Variants in WDFY2 observed in about 807,000 individuals in gnomAD.
The protein encoded by WDFY2 is WD repeat and FYVE domain-containing protein 2.
Under a neutral mutation model 56.4 loss-of-function variants are expected in WDFY2, and 36 were observed. The observed-to-expected ratio is 0.64, with a 90% confidence interval of 0.49 to 0.84. The LOEUF (loss-of-function observed/expected upper bound fraction) is 0.84, where lower values mean the gene tolerates loss of function less well. Among genes scored for constraint, WDFY2 ranks in the 40% least tolerant of loss-of-function variants. The pLI is 0.00. For missense variants in WDFY2, 444 were observed against 512.2 expected (o/e 0.87, Z 1.29); for synonymous variants, 176 against 183.7 (o/e 0.96, Z 0.34).
At chr13:51,741,741 T>C (rs532293866) in intron 7 of WDFY2, among the ~76,000 whole-genome samples, 1 of 152,288 alleles carries the variant, frequency 6.6e-6, no homozygotes, top group African/African-American at 2.4e-5. Flanking sequence ...AGCTCAGATA[T>C]CATTTTTAGA....
intron 5 of WDFY2, among the ~76,000 whole-genome samples, chr13:51,721,432 A>G (rs1271825284): frequency 6.6e-6 from 1 of 152,204 alleles, no homozygotes; most frequent in Non-Finnish European, 1.5e-5. Flanking sequence ...CTATTTGAAA[A>G]TAAAAAACAA....
chr13:51,745,141 A>T (rs1334862097), intron 7 of WDFY2, among the ~76,000 whole-genome samples: 1 of 152,232 alleles, frequency 6.6e-6, no homozygotes, highest in Non-Finnish European at 1.5e-5. Flanking sequence ...AATGAAATGT[A>T]GTTCAAATCA....
intron 8 of WDFY2, among the ~76,000 whole-genome samples, chr13:51,754,083 G>C (rs1408804721): frequency 7.1e-5 from 10 of 141,200 alleles, no homozygotes; most frequent in Non-Finnish European, 1.2e-4. Context: ...ACACAGCAAG[G>C]CTGTCTCAAA....
intron 1 of WDFY2, chr13:51,587,047 A>G (rs1953954203): frequency 6.6e-6 from 1 of 152,230 alleles, no homozygotes; most frequent in Admixed American, 6.5e-5. Context: ...CACAACCTAC[A>G]AAGCCATTAC....
chr13:51,756,272 GC>G, intron 9 of WDFY2, 59 bp from the exon 10 acceptor site: 2 of 1,561,768 alleles, frequency 1.3e-6, no homozygotes, highest in Non-Finnish European at 8.7e-7. Flanking sequence ...GGGGTGAGAT[GC>G]GGGGGCCTCA....
chr13:51,731,386 G>T (rs1952720370), intron 6 of WDFY2, among the ~76,000 whole-genome samples: 1 of 152,186 alleles, frequency 6.6e-6, no homozygotes, highest in African/African-American at 2.4e-5. Flanking sequence ...TACGAAATAT[G>T]ACCTTGGCAT....
intron 4 of WDFY2, among the ~76,000 whole-genome samples, chr13:51,713,622 C>T (rs534378215): frequency 7.9e-5 from 12 of 152,206 alleles, no homozygotes; most frequent in Non-Finnish European, 1.3e-4. Flanking sequence ...CCTGTAATCC[C>T]GGCACTTCAG....
chr13:51,692,876 G>C (rs1951774793), intron 3 of WDFY2, among the ~76,000 whole-genome samples: 1 of 152,162 alleles, frequency 6.6e-6, no homozygotes, highest in South Asian at 2.1e-4. Context: ...TTCAGAGCCT[G>C]TTATTGGTCT....
chr13:51,692,303 C>T (rs2138548717), intron 3 of WDFY2, among the ~76,000 whole-genome samples: 1 of 152,238 alleles, frequency 6.6e-6, no homozygotes, highest in East Asian at 1.9e-4. Flanking sequence ...CAGTTTTTGC[C>T]CATTCAGTAT....
chr13:51,746,539 G>C (rs1268146583), intron 7 of WDFY2, among the ~76,000 whole-genome samples: 1 of 152,196 alleles, frequency 6.6e-6, no homozygotes, highest in Non-Finnish European at 1.5e-5. Flanking sequence ...TGACACTCCA[G>C]GTTATAAAGT....
intron 4 of WDFY2, among the ~76,000 whole-genome samples, chr13:51,707,758 A>C (rs1952114852): frequency 6.6e-6 from 1 of 152,082 alleles, no homozygotes; most frequent in Non-Finnish European, 1.5e-5. Flanking sequence ...ACTTTAAGTA[A>C]AGACAAAGTA....
At chr13:51,595,196 GT>G (rs1421370766) in intron 1 of WDFY2, among the ~76,000 whole-genome samples, 1 of 152,058 alleles carries the variant, frequency 6.6e-6, no homozygotes, top group African/African-American at 2.4e-5. Context: ...TATGTCCCTT[GT>G]CCCCACTGGT....
intron 1 of WDFY2, among the ~76,000 whole-genome samples, chr13:51,619,535 A>C (rs1954687133): frequency 6.6e-6 from 1 of 152,226 alleles, no homozygotes; most frequent in Non-Finnish European, 1.5e-5. Context: ...TTTCAGATAC[A>C]ACTGGGGACT....
intron 5 of WDFY2, among the ~76,000 whole-genome samples, chr13:51,727,277 A>G (rs902110825): frequency 6.6e-6 from 1 of 152,158 alleles, no homozygotes; most frequent in African/African-American, 2.4e-5. Flanking sequence ...CTTTTAATTA[A>G]AGAAACTTTA....
rs1953710812 is a variant in WDFY2 at position 51,765,162 on chromosome 13, G to A, written c.*5393G>A. 6.6e-6 allele frequency: 1 copy of A among 152,222 alleles called. No individual in the cohort carries two copies. Among genetic ancestry groups the A allele is most frequent in the Non-Finnish European group, 1.5e-5 (1 of 68,046 alleles). The allele number at this position is 152,222 out of a possible 1,614,324, so 9.4% of individuals were successfully genotyped here. A position where few individuals can be genotyped will look rare whatever the true frequency, so the allele number is the denominator to read the frequency against. Reference sequence around the variant, plus strand: ...GAACACCGTGCAGGGGCATGGCAGCGCCTGTCTTTGCTATCACATCATTTG... The same window carrying A: ...GAACACCGTGCAGGGGCATGGCAGCACCTGTCTTTGCTATCACATCATTTG... On this transcript the variant is annotated 3_prime_UTR_variant, in exon 12 of 12. Transcript: ENST00000298125.
chr13:51,732,686 A>C (rs1356026340), intron 6 of WDFY2, among the ~76,000 whole-genome samples: 2 of 152,248 alleles, frequency 1.3e-5, no homozygotes, highest in Non-Finnish European at 2.9e-5. Context: ...GCAAGTTCAT[A>C]TAGTTTAGAA....
chr13:51,689,007 T>G (rs1021603193), intron 3 of WDFY2, among the ~76,000 whole-genome samples: 1 of 152,214 alleles, frequency 6.6e-6, no homozygotes, highest in East Asian at 1.9e-4. Flanking sequence ...GATACATCAG[T>G]GTTCTGGCTT....
intron 1 of WDFY2, among the ~76,000 whole-genome samples, chr13:51,613,606 A>C (rs1253577265): frequency 2.0e-5 from 3 of 152,178 alleles, no homozygotes; most frequent in Non-Finnish European, 4.4e-5. Flanking sequence ...AGTGAGCCCA[A>C]ATTCTTGGGA....
chr13:51,593,087 T>C (rs1174129654), intron 1 of WDFY2, among the ~76,000 whole-genome samples: 3 of 152,270 alleles, frequency 2.0e-5, no homozygotes, highest in Admixed American at 6.5e-5. Flanking sequence ...TTCAAAAATA[T>C]GATTGTAATC....
Sources: allele counts gnomAD v4.1 joint callset (sites outside exome capture counted in the v4.1 genomes callset), GRCh38; gene constraint gnomAD v4.1.1; transcripts MANE v1.5; gene names NCBI Gene and HGNC (gene_info 2026-07-23, HGNC 2026-07-21).